Variants in GAB1 observed in about 807,000 individuals in gnomAD.
The protein encoded by GAB1 is GRB2 associated binding protein 1.
GAB1 carries 19 observed loss-of-function variants against 66.5 expected under a neutral mutation model. The ratio of observed to expected loss-of-function variants is 0.29; its 90% confidence interval spans 0.20 to 0.42. The LOEUF is 0.42. Among genes scored for constraint, GAB1 ranks in the 10% least tolerant of loss-of-function variants. The pLI, the probability that GAB1 is intolerant of heterozygous loss-of-function variation, is 1.00. For synonymous variants in GAB1, 294 were observed against 301.4 expected, an observed-to-expected ratio of 0.98 and a Z score of 0.25; for missense variants, 732 against 858.5, an observed-to-expected ratio of 0.85 and a Z score of 1.84.
rs558303124 is a variant in GAB1 at position 143,371,119 on chromosome 4, G to C, written c.72+33859G>C. ...TCTAGTTCTAGATCCCTGAGGAATCGCCACACTGACTTCCACAATGGTTGA... is the reference window on the plus strand; with the variant it reads ...TCTAGTTCTAGATCCCTGAGGAATCCCCACACTGACTTCCACAATGGTTGA... On this transcript the variant is annotated intron_variant, in intron 1 of 9. Coordinates refer to ENST00000262994, the MANE Select transcript of GAB1 (RefSeq NM_002039.4). 4.2e-4 allele frequency among the ~76,000 whole-genome samples: 64 copies of C among 152,124 alleles called. 2 individuals are homozygous for C. Among genetic ancestry groups the C allele is most frequent in the African/African-American group, 1.4e-3 (59 of 41,506 alleles).
At chr4:143,439,266 A>G (rs1251052859) in intron 4 of GAB1, among the ~76,000 whole-genome samples, 1 of 152,226 alleles carries the variant, frequency 6.6e-6, no homozygotes, top group Non-Finnish European at 1.5e-5. Context: ...AAAGTCCTAC[A>G]AATAGAAAGC....
chr4:143,410,628 G>A (rs1732331781), intron 1 of GAB1, among the ~76,000 whole-genome samples: 1 of 152,116 alleles, frequency 6.6e-6, no homozygotes, highest in Non-Finnish European at 1.5e-5. Flanking sequence ...TAAAAGAATA[G>A]TTCTTTTAAA....
intron 9 of GAB1, among the ~76,000 whole-genome samples, chr4:143,466,480 C>CTTTTTT (rs776557170): frequency 1.5e-5 from 1 of 67,262 alleles, no homozygotes; most frequent in African/African-American, 6.5e-5. Flanking sequence ...TTAACAAATT[C>CTTTTTT]TTTTTTTTTT....
intron 2 of GAB1, chr4:143,425,710 C>A (rs1733315579): frequency 2.6e-6 from 2 of 759,392 alleles, no homozygotes; most frequent in African/African-American, 3.4e-5. Flanking sequence ...AAGGCAGTGA[C>A]CAAGGAGGAA....
In GAB1 at chr4:143,470,521, A is replaced by G. The variant is rs1420374717; in HGVS notation, c.*1332A>G. On this transcript the variant is annotated 3_prime_UTR_variant, in exon 10 of 10. Coordinates refer to ENST00000262994, the MANE Select transcript of GAB1 (RefSeq NM_002039.4). Reference sequence around the variant, plus strand: ...GGTATAATTCTGTCTCACCTATAACATGGTCCTGTGACATAGATATTAAGA... The same window carrying G: ...GGTATAATTCTGTCTCACCTATAACGTGGTCCTGTGACATAGATATTAAGA... The G allele has an allele frequency of 1.3e-5, 2 of 152,252 alleles. No individual in the cohort carries two copies. The highest frequency in any genetic ancestry group is 2.9e-5 in the Non-Finnish European group (2 of 68,044). 9.4% of individuals were successfully genotyped at this position (152,252 alleles called of 1,614,324 possible). A position where few individuals can be genotyped will look rare whatever the true frequency, so the allele number is the denominator to read the frequency against.
chr4:143,391,132 G>A (rs1731168687), intron 1 of GAB1, among the ~76,000 whole-genome samples: 1 of 152,130 alleles, frequency 6.6e-6, no homozygotes, highest in African/African-American at 2.4e-5. Context: ...GTAATGGTCT[G>A]CCCCACAGTG....
Position 143,466,131 on chromosome 4 carries a change from G to A in GAB1, c.1832G>A (p.Gly611Glu), listed in dbSNP as rs776545808. The A allele has an allele frequency of 1.4e-5, 22 of 1,613,804 alleles. No individual in the cohort carries two copies. Among genetic ancestry groups the A allele is most frequent in the Non-Finnish European group, 1.9e-5 (22 of 1,179,792 alleles). ...CTCTTTGGCAGTAACAGTCTTGATGGAGGAAGCAGCCCTATGATCAAGCCC... is the reference window on the plus strand; with the variant it reads ...CTCTTTGGCAGTAACAGTCTTGATGAAGGAAGCAGCCCTATGATCAAGCCC... ...PNLFGSNSLDGGSSPMIKPKG... is the reference protein window; with the variant it reads ...PNLFGSNSLDEGSSPMIKPKG... The change falls in exon 9 of 10, where the codon GGA becomes GAA. Residue 611 changes from glycine to glutamate, a missense_variant. Coordinates refer to ENST00000262994, the MANE Select transcript of GAB1 (RefSeq NM_002039.4).
At chr4:143,372,173 AG>A (rs759558150) in intron 1 of GAB1, among the ~76,000 whole-genome samples, 4,425 of 150,340 alleles carry the variant, frequency 0.029, 213 homozygotes, top group African/African-American at 0.1. Flanking sequence ...TAAAAAAAAA[AG>A]ATGTATCTTG....
intron 1 of GAB1, among the ~76,000 whole-genome samples, chr4:143,371,064 A>C (rs939996777): frequency 1.3e-5 from 2 of 152,202 alleles, no homozygotes; most frequent in African/African-American, 4.8e-5. Context: ...GTATATACCC[A>C]GTAATGGGAT....
At position 143,453,825 on chromosome 4, in the gene GAB1, G is replaced by A. The variant is rs114003513; in HGVS notation, c.1586-5560G>A. Among the ~76,000 whole-genome samples, 208 of 152,218 alleles carry A rather than the reference G, an allele frequency of 1.4e-3. 2 individuals are homozygous for A. Among genetic ancestry groups the A allele is most frequent in the African/African-American group, 4.8e-3 (201 of 41,550 alleles). On this transcript the variant is annotated intron_variant, in intron 6 of 9. Coordinates refer to ENST00000262994, the MANE Select transcript of GAB1 (RefSeq NM_002039.4). ...GTGTGACTCTGGGCAAGTTACTTAA[G>A]TTCTATAAGCCCCCAACCAGCTTGG...
intron 1 of GAB1, among the ~76,000 whole-genome samples, chr4:143,381,058 T>TA (rs1730636972): frequency 1.3e-5 from 2 of 152,278 alleles, no homozygotes; most frequent in Non-Finnish European, 2.9e-5. Flanking sequence ...GTCACCCATT[T>TA]AGGGGATCAA....
At chr4:143,425,594 C>T (rs573927894) in intron 2 of GAB1, 19 of 762,724 alleles carry the variant, frequency 2.5e-5, no homozygotes, top group Admixed American at 3.4e-5. Flanking sequence ...AAGTTCTGCG[C>T]GTGCGTGGCA....
chr4:143,385,676 T>G, intron 1 of GAB1, among the ~76,000 whole-genome samples: 1 of 152,170 alleles, frequency 6.6e-6, no homozygotes, highest in Non-Finnish European at 1.5e-5. Context: ...TTACATCCTA[T>G]TGGCCAGAAC....
At chr4:143,445,783 G>T (rs1391443760) in intron 6 of GAB1, among the ~76,000 whole-genome samples, 1 of 151,892 alleles carries the variant, frequency 6.6e-6, no homozygotes, top group Non-Finnish European at 1.5e-5. Flanking sequence ...TTATTGATTT[G>T]TTTTTTTGTT....
chr4:143,435,723 TTACAAG>T, intron 3 of GAB1, among the ~76,000 whole-genome samples: 1 of 152,328 alleles, frequency 6.6e-6, no homozygotes, highest in East Asian at 1.9e-4. Context: ...CCTTTGGAGT[TTACAAG>T]TAAGAGTTGC....
chr4:143,408,941 A>G (rs528552204), intron 1 of GAB1, among the ~76,000 whole-genome samples: 1 of 152,336 alleles, frequency 6.6e-6, no homozygotes, highest in South Asian at 2.1e-4. Context: ...GTAGAAGGGA[A>G]GTTGGCTCAG....
chr4:143,467,679 A>G (rs182674697), intron 9 of GAB1, among the ~76,000 whole-genome samples: 3 of 152,260 alleles, frequency 2.0e-5, no homozygotes, highest in Admixed American at 1.3e-4. Flanking sequence ...AATTTCTTCT[A>G]TAAACTATTT....
rs563936307 is a variant in GAB1 at position 143,422,914 on chromosome 4, CCTAAA to C, written c.367+7148_367+7152del. On this transcript the variant is annotated intron_variant, in intron 2 of 9. Coordinates refer to ENST00000262994, the MANE Select transcript of GAB1 (RefSeq NM_002039.4). ...AATAATTTTACACACATAAGCAAAC[CCTAAA>C]CTAATGTTTAGTTCTTAGAAGCTTG... Among the ~76,000 whole-genome samples the C allele has an allele frequency of 2.0e-4, 30 of 152,116 alleles. No homozygotes were observed. The East Asian group carries it at 5.4e-3, about 27-fold the overall frequency.
At chr4:143,442,672 A>G (rs748417330) in intron 6 of GAB1, among the ~76,000 whole-genome samples, 2 of 152,134 alleles carry the variant, frequency 1.3e-5, no homozygotes, top group Non-Finnish European at 2.9e-5. Context: ...ATCCCTATGT[A>G]TTTAGTGAAA....
Sources: gnomAD v4.1 joint callset for allele counts (sites outside exome capture counted in the v4.1 genomes callset) on GRCh38, gnomAD v4.1.1 for gene constraint, MANE v1.5 for transcripts, NCBI Gene and HGNC (gene_info 2026-07-23, HGNC 2026-07-21) for gene names.